The following PATJ variants were observed in gnomAD, a reference collection of about 807,000 sequenced individuals.
The protein encoded by PATJ is PATJ crumbs cell polarity complex component, also known as inaD-like protein.
PATJ carries 190 observed loss-of-function variants against 224.9 expected under a neutral mutation model. That is an observed-to-expected ratio of 0.84 (90% CI 0.75 to 0.95). The LOEUF is 0.95. Among genes scored for constraint, PATJ ranks in the 40% least tolerant of loss-of-function variants. PATJ has a pLI of 0.00. For synonymous variants in PATJ, 769 were observed against 820.3 expected (o/e 0.94, Z 1.07); for missense variants, 2,121 against 2,270.3 (o/e 0.93, Z 1.34).
At chr1:61,868,561 G>A in intron 20 of PATJ, among the ~76,000 whole-genome samples, 1 of 152,086 alleles carries the variant, frequency 6.6e-6, no homozygotes, top group South Asian at 2.1e-4. Context: ...GGCCAAGGTG[G>A]GTGGATCACT....
chr1:62,120,048 C>T (rs956427298), intron 37 of PATJ, among the ~76,000 whole-genome samples: 2 of 152,112 alleles, frequency 1.3e-5, no homozygotes, highest in African/African-American at 4.8e-5. Context: ...GATTAGTTAT[C>T]TATTATAGTA....
intron 29 of PATJ, among the ~76,000 whole-genome samples, chr1:62,025,244 T>G (rs1425295015): frequency 6.6e-6 from 1 of 152,210 alleles, no homozygotes; most frequent in African/African-American, 2.4e-5. Context: ...TCAAACGACT[T>G]TAGCAGAGTA....
chr1:62,024,900 T>C (rs1400739056), intron 29 of PATJ, among the ~76,000 whole-genome samples: 1 of 152,098 alleles, frequency 6.6e-6, no homozygotes, highest in African/African-American at 2.4e-5. Context: ...TGTTTATTCA[T>C]AGAGCCACAG....
At chr1:62,056,894 T>A (rs1303359934) in intron 31 of PATJ, among the ~76,000 whole-genome samples, 1 of 152,134 alleles carries the variant, frequency 6.6e-6, no homozygotes, top group Non-Finnish European at 1.5e-5. Flanking sequence ...CTTTCTCAGC[T>A]CCCTGCTCTG....
Position 62,051,030 on chromosome 1 carries a change from A to G in PATJ, c.4097A>G (p.Gln1366Arg), listed in dbSNP as rs762264032. 4.3e-6 allele frequency: 7 copies of G among 1,613,570 alleles called. No homozygotes were observed. The Admixed American group carries it at 5.0e-5, about 12-fold the overall frequency. The stretch of plus-strand genomic sequence containing the variant: ...GGCAGCGTCGAAGTTGGTATTAAAC[A>G]ATTGCCTGAAAGTGAAAGCTTCAAA... ...EDGSVEVGIK[Q>R]LPESESFKLA... The change falls in exon 31 of 44, where the codon CAA (glutamine) becomes CGA (arginine). Residue 1366 changes from glutamine (Q) to arginine (R), a missense_variant. By Grantham distance (43) the Gln-to-Arg change is conservative (BLOSUM62 1). Transcript: ENST00000642238.
At chr1:62,044,524 C>T (rs545487573) in intron 30 of PATJ, among the ~76,000 whole-genome samples, 10 of 152,322 alleles carry the variant, frequency 6.6e-5, no homozygotes, top group African/African-American at 2.4e-4. Flanking sequence ...GTACTGAGGG[C>T]TCAAATAACT....
At chr1:61,895,071 G>T (rs1245514192) in intron 22 of PATJ, among the ~76,000 whole-genome samples, 1 of 152,132 alleles carries the variant, frequency 6.6e-6, no homozygotes, top group Admixed American at 6.6e-5. Context: ...ATGATTTAGG[G>T]TATCTGGCAG....
chr1:61,912,344 A>C (rs1053086174), intron 25 of PATJ, among the ~76,000 whole-genome samples: 1 of 152,120 alleles, frequency 6.6e-6, no homozygotes, highest in Non-Finnish European at 1.5e-5. Context: ...CTGTAATCCC[A>C]GCACTTTCGG....
intron 29 of PATJ, among the ~76,000 whole-genome samples, chr1:62,022,264 G>C (rs1387587273): frequency 6.6e-6 from 1 of 152,084 alleles, no homozygotes; most frequent in Non-Finnish European, 1.5e-5. Flanking sequence ...AATTGGCAAG[G>C]GGTCTGTGTG....
chr1:62,106,117 C>CAT, intron 33 of PATJ, among the ~76,000 whole-genome samples: 1 of 90,510 alleles, frequency 1.1e-5, no homozygotes, highest in South Asian at 4.7e-4. Flanking sequence ...CACACACACA[C>CAT]ACAAACACAC....
At chr1:62,119,859 A>C (rs1260642406) in intron 37 of PATJ, among the ~76,000 whole-genome samples, 2 of 152,170 alleles carry the variant, frequency 1.3e-5, no homozygotes, top group Non-Finnish European at 2.9e-5. Context: ...CAACAGAATC[A>C]CTTGAACCTG....
rs1180544696 is a variant in PATJ at position 62,144,769 on chromosome 1, A to ATATATATATATATATATATATATATAT, written c.5272-3515_5272-3514insTATATATATATATATATATATATATAT. ...AAATGCTCTAGAATGTTATTTGCAA[A>ATATATATATATATATATATATATATAT]AAAAAAAAATATATATATATATATA... On this transcript the variant is annotated intron_variant, in intron 41 of 43. Coordinates refer to ENST00000642238, the MANE Select transcript of PATJ (RefSeq NM_001350145.3). 9.0e-4 allele frequency among the ~76,000 whole-genome samples: 53 copies of ATATATATATATATATATATATATATAT among 58,648 alleles called. 1 individual carries two copies. Among genetic ancestry groups the ATATATATATATATATATATATATATAT allele is most frequent in the Middle Eastern group, 9.1e-3 (1 of 110 alleles). The allele number at this position is 58,648 out of a possible 152,430, so 38.5% of individuals were successfully genotyped here.
chr1:61,920,330 G>A (rs774849650), intron 26 of PATJ, among the ~76,000 whole-genome samples: 2 of 152,082 alleles, frequency 1.3e-5, no homozygotes, highest in African/African-American at 2.4e-5. Flanking sequence ...TCATGGGGGC[G>A]GGTCTTTCCT....
At chr1:61,868,015 A>G (rs1477965809) in intron 20 of PATJ, among the ~76,000 whole-genome samples, 1 of 152,194 alleles carries the variant, frequency 6.6e-6, no homozygotes. Context: ...GATGTCAGCT[A>G]TATTTGTGGA....
chr1:62,099,125 T>C (rs921491762), intron 33 of PATJ, among the ~76,000 whole-genome samples: 7 of 152,112 alleles, frequency 4.6e-5, no homozygotes, highest in Non-Finnish European at 8.8e-5. Context: ...ACCTCCGCCA[T>C]ATTATCAGCC....
At chr1:61,889,844 A>G (rs942233689) in intron 22 of PATJ, among the ~76,000 whole-genome samples, 4 of 152,256 alleles carry the variant, frequency 2.6e-5, no homozygotes, top group African/African-American at 9.6e-5. Context: ...GCTAACTGAT[A>G]CCAAGGAAAG....
chr1:61,898,928 A>G (rs1369750528), intron 22 of PATJ, among the ~76,000 whole-genome samples: 1 of 151,070 alleles, frequency 6.6e-6, no homozygotes, highest in Non-Finnish European at 1.5e-5. Context: ...CTGGGACTAC[A>G]GGCATGTGCC....
chr1:62,091,690 G>A (rs969351700), intron 33 of PATJ, among the ~76,000 whole-genome samples: 4 of 152,166 alleles, frequency 2.6e-5, no homozygotes, highest in South Asian at 2.1e-4. Flanking sequence ...GCTGAGGCAC[G>A]TGGATCACTT....
At chr1:62,156,702 G>T (rs1426518326) in intron 43 of PATJ, among the ~76,000 whole-genome samples, 1 of 151,596 alleles carries the variant, frequency 6.6e-6, no homozygotes, top group Admixed American at 6.6e-5. Context: ...GATGGCTTGA[G>T]CCCAGGAGTT....
Sources: allele counts gnomAD v4.1 joint callset (sites outside exome capture counted in the v4.1 genomes callset), GRCh38; gene constraint gnomAD v4.1.1; transcripts MANE v1.5; gene names NCBI Gene and HGNC (gene_info 2026-07-23, HGNC 2026-07-21).